The following GRAMD4 variants were observed in gnomAD, a reference collection of about 807,000 sequenced individuals.
GRAMD4 encodes the protein GRAM domain containing 4.
In GRAMD4, 25 loss-of-function variants were observed where a neutral mutation model predicts 83.9. The ratio of observed to expected loss-of-function variants is 0.30; its 90% CI spans 0.22 to 0.42. The LOEUF (loss-of-function observed/expected upper bound fraction) is 0.42, where lower values mean the gene tolerates loss of function less well. GRAMD4 is among the 10% of genes least tolerant of loss of function. GRAMD4 has a pLI of 1.00. For synonymous variants in GRAMD4, 336 were observed against 320.9 expected, an observed-to-expected ratio of 1.05 and a Z score of -0.50; for missense variants, 593 against 788.7, an observed-to-expected ratio of 0.75 and a Z score of 2.97.
In GRAMD4 at chr22:46,640,023, C is replaced by T. The variant is rs181643126; in HGVS notation, c.283+2063C>T. Among the ~76,000 whole-genome samples the T allele has an allele frequency of 7.2e-5, 11 of 152,236 alleles. No homozygotes were observed. In the East Asian group the frequency reaches 2.1e-3, roughly 29 times the overall value. On this transcript the variant is annotated intron_variant, in intron 3 of 18. Transcript: ENST00000406902. ...TCTGAGAATGGAGAGGCTGGGCTCTCCCTGGGCGGTGGCAGCAGGGGGCTG... is the reference window on the plus strand; with the variant it reads ...TCTGAGAATGGAGAGGCTGGGCTCTTCCTGGGCGGTGGCAGCAGGGGGCTG...
At chr22:46,643,024 C>CATCT (rs2147247442) in intron 3 of GRAMD4, among the ~76,000 whole-genome samples, 1 of 143,080 alleles carries the variant, frequency 7.0e-6, no homozygotes. Flanking sequence ...TCCCTGGATC[C>CATCT]ATCCATCCCT....
At chr22:46,591,832 C>CA (rs34868206) in intron 1 of GRAMD4, among the ~76,000 whole-genome samples, 7,417 of 37,624 alleles carry the variant, frequency 0.2, 864 homozygotes, top group East Asian at 0.44. Flanking sequence ...GACTCTGTCT[C>CA]AAAAAAAAAA....
intron 1 of GRAMD4, among the ~76,000 whole-genome samples, chr22:46,584,629 C>G (rs1034565687): frequency 3.3e-5 from 5 of 152,166 alleles, no homozygotes; most frequent in African/African-American, 1.2e-4. Flanking sequence ...GTTCCCGATC[C>G]CTTGGCTTCG....
intron 1 of GRAMD4, among the ~76,000 whole-genome samples, chr22:46,592,447 C>CA (rs60938161): frequency 0.04 from 4,342 of 107,680 alleles, 133 homozygotes; most frequent in African/African-American, 0.11. Context: ...GCCCTGTTTC[C>CA]AAAAAAAAAA....
upstream of GRAMD4, among the ~76,000 whole-genome samples, chr22:46,615,876 T>C (rs1296677110): frequency 7.4e-6 from 1 of 134,712 alleles, no homozygotes; most frequent in Non-Finnish European, 1.6e-5. Flanking sequence ...GCGTGTAGGT[T>C]CCCCCGTGTG....
At chr22:46,608,462 C>T (rs994325330) in intron 1 of GRAMD4, among the ~76,000 whole-genome samples, 2 of 152,114 alleles carry the variant, frequency 1.3e-5, no homozygotes, top group East Asian at 1.9e-4. Context: ...GCGGATCACC[C>T]GAGGTCGGGA....
chr22:46,632,232 G>C (rs1569274390), intron 2 of GRAMD4, among the ~76,000 whole-genome samples: 2 of 152,192 alleles, frequency 1.3e-5, no homozygotes, highest in South Asian at 4.1e-4. Flanking sequence ...AGGTGGAAGA[G>C]ACAGGTAACT....
At position 46,668,158 on chromosome 22, in the gene GRAMD4, G is replaced by C; in HGVS notation, c.921G>C (p.Gln307His). 6.2e-7 allele frequency: 1 copy of C among 1,611,438 alleles called. No individual in the cohort carries two copies. Among genetic ancestry groups the C allele is most frequent in the Non-Finnish European group, 8.5e-7 (1 of 1,178,896 alleles). The change falls in exon 11 of 19, where the codon CAG (glutamine) becomes CAC (histidine). Residue 307 changes from glutamine (Q) to histidine (H), a missense_variant. By Grantham distance (24) the Gln-to-His change is conservative. Around this residue, in one of 4 missense-constraint regions of GRAMD4, gnomAD observed 36 missense variants for 85.8 expected, o/e 0.42. Transcript: ENST00000406902. ...EKFQLVLDVA[Q>H]KAQNLFGKMA... ...TCCAGCTGGTGCTGGACGTCGCCCA[G>C]AAAGCCCAGGTACTGCCACGGGCGC...
At position 46,677,404 on chromosome 22, in the gene GRAMD4, G is replaced by A. The variant is rs1385669532; in HGVS notation, c.*153G>A. On this transcript the variant is annotated 3_prime_UTR_variant, in exon 19 of 19. Coordinates refer to ENST00000406902, the MANE Select transcript of GRAMD4 (RefSeq NM_015124.5). ...GTGGTTCTATTGTGTTGACCTCTGCGTTTTATCGACCAAGAAGGGGCCAGG... is the reference window on the plus strand; with the variant it reads ...GTGGTTCTATTGTGTTGACCTCTGCATTTTATCGACCAAGAAGGGGCCAGG... 5.8e-6 allele frequency: 8 copies of A among 1,377,884 alleles called. No individual in the cohort carries two copies. The highest frequency in any genetic ancestry group is 5.3e-5 in the South Asian group (3 of 56,284). The allele number at this position is 1,377,884 out of a possible 1,614,324, so 85.4% of individuals were successfully genotyped here.
chr22:46,577,227 C>T (rs1240846833), exon 1 of GRAMD4: 3 of 958,788 alleles, frequency 3.1e-6, no homozygotes, highest in Non-Finnish European at 3.7e-6. Context: ...GTAGCGCGGC[C>T]GGGCGGCCGG....
rs556371539 is a variant in GRAMD4, at chr22:46,674,851, A to AGTG, written c.1478+106_1478+108dup. 2.7e-4 allele frequency: 225 copies of AGTG among 821,088 alleles called. No homozygotes were observed. In the African/African-American group the frequency reaches 3.2e-3, roughly 12 times the overall value. 50.9% of individuals were successfully genotyped at this position (821,088 alleles called of 1,614,324 possible). A position where few individuals can be genotyped will look rare whatever the true frequency, so the allele number is the denominator to read the frequency against. On this transcript the variant is annotated intron_variant, in intron 16 of 18. Transcript: ENST00000406902. ...GGCTGGCCCAGTGCAGGTTTTCCTG[A>AGTG]GTGGTGGCCATGGCCTCTCCCATGC... is the stretch of plus-strand genomic sequence containing the variant.
intron 10 of GRAMD4, among the ~76,000 whole-genome samples, chr22:46,667,232 G>C (rs896022610): frequency 6.6e-6 from 1 of 152,310 alleles, no homozygotes; most frequent in East Asian, 1.9e-4. Context: ...GGCTGGACAA[G>C]TGGACCTGTT....
rs765590599 is a variant in GRAMD4 at position 46,663,089 on chromosome 22, G to A, written c.516G>A (p.Glu172=). 2.5e-6 allele frequency: 4 copies of A among 1,612,174 alleles called. No homozygotes were observed. Among genetic ancestry groups the A allele is most frequent in the Non-Finnish European group, 3.4e-6 (4 of 1,179,498 alleles). The change falls in exon 6 of 19, where the codon GAG becomes GAA. Residue 172 remains glutamate (E), a synonymous_variant. Transcript: ENST00000406902. Reference sequence around the variant, plus strand: ...CGCGCCTGCAGAAGTGGTTCTACGAGCGGTTTGGGGAGTACGTGGAGGACT... The same window carrying A: ...CGCGCCTGCAGAAGTGGTTCTACGAACGGTTTGGGGAGTACGTGGAGGACT... ...LSSRLQKWFY[E]RFGEYVEDFR... is the part of the protein sequence containing the mutation.
chr22:46,587,773 C>T (rs1055131878), intron 1 of GRAMD4, among the ~76,000 whole-genome samples: 2 of 152,064 alleles, frequency 1.3e-5, no homozygotes, highest in African/African-American at 2.4e-5. Flanking sequence ...GACTGGTGGT[C>T]GTTGCTGGCC....
At chr22:46,675,739 G>T (rs2082587588) in intron 17 of GRAMD4, among the ~76,000 whole-genome samples, 187 bp downstream of exon 17, 1 of 152,166 alleles carries the variant, frequency 6.6e-6, no homozygotes, top group African/African-American at 2.4e-5. Flanking sequence ...CCCCTGCCCT[G>T]GGGTCCACTT....
At chr22:46,644,897 C>CTTTTTTTTTTTTTTT (rs35677843) in intron 3 of GRAMD4, among the ~76,000 whole-genome samples, 1 of 40,986 alleles carries the variant, frequency 2.4e-5, no homozygotes, top group Non-Finnish European at 4.0e-5. Flanking sequence ...TGCACATGGC[C>CTTTTTTTTTTTTTTT]TTTTTTTTTT....
At chr22:46,635,731 C>G (rs1438011213) in intron 2 of GRAMD4, among the ~76,000 whole-genome samples, 138 of 80,856 alleles carry the variant, frequency 1.7e-3, no homozygotes, top group African/African-American at 4.6e-3. Flanking sequence ...GTCCTGGGGG[C>G]CCGTGTCCTC....
At chr22:46,635,383 G>A (rs57601368) in intron 2 of GRAMD4, among the ~76,000 whole-genome samples, 2 of 3,490 alleles carry the variant, frequency 5.7e-4, no homozygotes, top group Admixed American at 2.3e-3. Flanking sequence ...CCCTGCCCCC[G>A]CCCCCGGCCA....
chr22:46,609,529 T>A (rs916966225), intron 1 of GRAMD4, among the ~76,000 whole-genome samples: 4 of 152,218 alleles, frequency 2.6e-5, no homozygotes, highest in African/African-American at 9.6e-5. Flanking sequence ...CCATGTGGGT[T>A]TACTTCTGTA....
Sources: gnomAD v4.1 joint callset for allele counts (sites outside exome capture counted in the v4.1 genomes callset) on GRCh38, gnomAD v4.1.1 for gene constraint, gnomAD v4.1.1 regional missense constraint, MANE v1.5 for transcripts, NCBI Gene and HGNC (gene_info 2026-07-23, HGNC 2026-07-21) for gene names.